Variants in DPYD observed in about 807,000 individuals in gnomAD.
DPYD encodes the protein dihydropyrimidine dehydrogenase.
A neutral mutation model predicts 116.2 loss-of-function variants in DPYD; 109 were observed. The observed-to-expected ratio is 0.94, with a 90% CI of 0.80 to 1.10. DPYD has a LOEUF of 1.10. Ranked by LOEUF, DPYD falls within the 50% of genes least tolerant of loss-of-function variation. The pLI is 0.00. For synonymous variants in DPYD, 440 were observed against 432.0 expected (o/e 1.02, Z -0.23); for missense variants, 1,302 against 1,254.5 (o/e 1.04, Z -0.57).
At chr1:97,650,728 T>G (rs1171647085) in intron 8 of DPYD, among the ~76,000 whole-genome samples, 1 of 152,062 alleles carries the variant, frequency 6.6e-6, no homozygotes, top group East Asian at 1.9e-4. Context: ...TAATATAGAT[T>G]ATTCCAAGTT....
At chr1:97,553,700 A>G (rs1229661364) in intron 11 of DPYD, among the ~76,000 whole-genome samples, 1 of 152,026 alleles carries the variant, frequency 6.6e-6, no homozygotes, top group Non-Finnish European at 1.5e-5. Context: ...ATTTTCTGTT[A>G]TGTTCATGCA....
intron 10 of DPYD, among the ~76,000 whole-genome samples, chr1:97,588,715 A>C (rs1048187875): frequency 3.3e-5 from 5 of 152,182 alleles, no homozygotes; most frequent in Non-Finnish European, 5.9e-5. Flanking sequence ...CTAAGGACCC[A>C]TGGCTGAGAA....
rs113532688 is a variant in DPYD, at chr1:97,875,558, T to C, written c.150+7706A>G. The stretch of plus-strand genomic sequence containing the variant: ...AATACCTGTTGTATGTCAGAATTCA[T>C]ACAATGAAAGACTCCACCTCAACTT... On this transcript the variant is annotated intron_variant, in intron 2 of 22. Transcript: ENST00000370192. 2.0e-5 allele frequency among the ~76,000 whole-genome samples: 3 copies of C among 152,102 alleles called. 1 individual carries two copies. The highest frequency in any genetic ancestry group is 7.2e-5 in the African/African-American group (3 of 41,550).
At chr1:97,628,862 T>C (rs1657092042) in intron 8 of DPYD, among the ~76,000 whole-genome samples, 1 of 152,058 alleles carries the variant, frequency 6.6e-6, no homozygotes, top group African/African-American at 2.4e-5. Context: ...ATAGCCTATG[T>C]ACTATCTGTG....
At chr1:97,402,010 T>G (rs922603724) in intron 14 of DPYD, among the ~76,000 whole-genome samples, 2 of 152,160 alleles carry the variant, frequency 1.3e-5, no homozygotes. Context: ...AATATTACAC[T>G]GTCAGATTAC....
At chr1:97,346,072 G>A (rs12745512) in intron 16 of DPYD, among the ~76,000 whole-genome samples, 2,328 of 151,742 alleles carry the variant, frequency 0.015, 37 homozygotes, top group South Asian at 0.023. Context: ...TATCTCCAAA[G>A]AACATATAAT....
chr1:97,323,319 T>TGTGTATATGTACACGTATGTATAC (rs1668439448), intron 16 of DPYD, among the ~76,000 whole-genome samples: 4 of 138,970 alleles, frequency 2.9e-5, no homozygotes, highest in African/African-American at 1.1e-4. Context: ...TATATATACA[T>TGTGTATATGTACACGTATGTATAC]ATGTGTATAT....
At chr1:97,482,149 G>A (rs1176566585) in intron 13 of DPYD, among the ~76,000 whole-genome samples, 1 of 151,890 alleles carries the variant, frequency 6.6e-6, no homozygotes, top group African/African-American at 2.4e-5. Context: ...GAGTCTAAGG[G>A]GTATATATAA....
At position 97,642,018 on chromosome 1, in the gene DPYD, A is replaced by G. The variant is rs184053376; in HGVS notation, c.850+37077T>C. On this transcript the variant is annotated intron_variant, in intron 8 of 22. Coordinates refer to ENST00000370192, the MANE Select transcript of DPYD (RefSeq NM_000110.4). ...CATTCACAACTGCTACAAAGAGAAT[A>G]AAATACCTAGGAATACAAATTACAA... Among the ~76,000 whole-genome samples the G allele has an allele frequency of 7.3e-3, 1,112 of 152,280 alleles. 16 individuals are homozygous for G. The highest frequency in any genetic ancestry group is 0.026 in the African/African-American group (1,068 of 41,556).
chr1:97,332,693 ACT>A (rs1176234015), intron 16 of DPYD, among the ~76,000 whole-genome samples: 2 of 152,182 alleles, frequency 1.3e-5, no homozygotes, highest in African/African-American at 2.4e-5. Context: ...TAAATCACAA[ACT>A]CTGGAAAAAT....
At chr1:97,274,517 A>G (rs1664809901) in intron 18 of DPYD, among the ~76,000 whole-genome samples, 1 of 152,144 alleles carries the variant, frequency 6.6e-6, no homozygotes, top group Non-Finnish European at 1.5e-5. Context: ...CAGAACCTGG[A>G]AACAATTAAA....
intron 18 of DPYD, among the ~76,000 whole-genome samples, chr1:97,288,218 C>T (rs1333813433): frequency 6.7e-6 from 1 of 149,770 alleles, no homozygotes; most frequent in Non-Finnish European, 1.5e-5. Flanking sequence ...GAGACTTAGA[C>T]TCCCACACAA....
intron 13 of DPYD, among the ~76,000 whole-genome samples, chr1:97,498,306 T>C (rs1472370555): frequency 1.3e-5 from 2 of 151,802 alleles, no homozygotes; most frequent in Non-Finnish European, 3.0e-5. Flanking sequence ...AGAATGGATT[T>C]TATACGTAAA....
intron 12 of DPYD, among the ~76,000 whole-genome samples, chr1:97,527,087 CT>C (rs994499498): frequency 3.5e-5 from 5 of 141,076 alleles, no homozygotes; most frequent in Admixed American, 7.0e-5. Context: ...TTTTTTTTTT[CT>C]TTTTTTTTGA....
intron 14 of DPYD, among the ~76,000 whole-genome samples, chr1:97,401,249 C>A (rs1296884760): frequency 6.6e-6 from 1 of 152,078 alleles, no homozygotes; most frequent in Non-Finnish European, 1.5e-5. Context: ...CAAATATTTT[C>A]TCCCAGTCGG....
At chr1:97,430,988 C>A (rs1383032966) in intron 14 of DPYD, among the ~76,000 whole-genome samples, 1 of 151,818 alleles carries the variant, frequency 6.6e-6, no homozygotes, top group African/African-American at 2.4e-5. Flanking sequence ...TCCAGACAAT[C>A]CTGGAGGAGG....
At chr1:97,692,404 T>C (rs989536129) in intron 6 of DPYD, among the ~76,000 whole-genome samples, 1 of 152,076 alleles carries the variant, frequency 6.6e-6, no homozygotes, top group African/African-American at 2.4e-5. Flanking sequence ...CTATTGTATA[T>C]TAATGCCTAT....
intron 14 of DPYD, among the ~76,000 whole-genome samples, chr1:97,428,927 A>C: frequency 6.6e-6 from 1 of 152,072 alleles, no homozygotes; most frequent in East Asian, 1.9e-4. Context: ...ATTATTAGGT[A>C]AATAGGGTAT....
At chr1:97,829,360 TAACA>T in intron 2 of DPYD, among the ~76,000 whole-genome samples, 1 of 152,206 alleles carries the variant, frequency 6.6e-6, no homozygotes, top group East Asian at 1.9e-4. Context: ...AAGATCCTTT[TAACA>T]AACACACACA....
Sources: allele counts gnomAD v4.1 joint callset (sites outside exome capture counted in the v4.1 genomes callset), GRCh38; gene constraint gnomAD v4.1.1; transcripts MANE v1.5; gene names NCBI Gene and HGNC (gene_info 2026-07-23, HGNC 2026-07-21).